The following CCNY variants were observed in gnomAD, a reference collection of about 807,000 sequenced individuals.
CCNY encodes cyclin Y.
Under a neutral mutation model 42.8 loss-of-function variants are expected in CCNY, and 19 were observed. That is an observed-to-expected ratio of 0.44 (90% CI 0.31 to 0.65). The LOEUF is 0.65. Among genes scored for constraint, CCNY ranks in the 30% least tolerant of loss-of-function variants. The pLI, the probability that CCNY is intolerant of heterozygous loss-of-function variation, is 0.07. For missense variants in CCNY, 370 were observed against 437.3 expected, an observed-to-expected ratio of 0.85 and a Z score of 1.37; for synonymous variants, 165 against 162.7, an observed-to-expected ratio of 1.01 and a Z score of -0.11.
At chr10:35,519,594 A>G (rs78349936) in intron 4 of CCNY, among the ~76,000 whole-genome samples, 1 of 151,662 alleles carries the variant, frequency 6.6e-6, no homozygotes, top group Non-Finnish European at 1.5e-5. Context: ...CCACTTTTAA[A>G]TGAACTGCGG....
intron 1 of CCNY, among the ~76,000 whole-genome samples, chr10:35,395,210 G>A (rs1258369118): frequency 1.3e-5 from 2 of 152,194 alleles, no homozygotes; most frequent in Non-Finnish European, 2.9e-5. Flanking sequence ...AAAGTGATGG[G>A]TAATAGTACT....
At chr10:35,386,349 A>G (rs1256916683) in intron 1 of CCNY, among the ~76,000 whole-genome samples, 3 of 152,212 alleles carry the variant, frequency 2.0e-5, no homozygotes, top group Non-Finnish European at 4.4e-5. Flanking sequence ...CTCATCCTGC[A>G]GGTCTCTCTT....
At chr10:35,402,968 G>T (rs981806774) in intron 1 of CCNY, among the ~76,000 whole-genome samples, 1 of 152,190 alleles carries the variant, frequency 6.6e-6, no homozygotes, top group African/African-American at 2.4e-5. Flanking sequence ...GACTGTGGTG[G>T]CCTTCTCAGA....
At chr10:35,537,953 G>A (rs533905698) in intron 7 of CCNY, among the ~76,000 whole-genome samples, 1 of 152,270 alleles carries the variant, frequency 6.6e-6, no homozygotes, top group Admixed American at 6.5e-5. Context: ...ATCGCATTTT[G>A]AATTGTATCT....
intron 2 of CCNY, among the ~76,000 whole-genome samples, chr10:35,489,237 T>C (rs989867774): frequency 2.0e-5 from 3 of 152,258 alleles, no homozygotes; most frequent in Admixed American, 1.3e-4. Context: ...GATGCCTCTA[T>C]GGGTTGATAT....
chr10:35,559,701 G>A (rs1295919284), intron 8 of CCNY, among the ~76,000 whole-genome samples: 1 of 152,234 alleles, frequency 6.6e-6, no homozygotes, highest in Non-Finnish European at 1.5e-5. Flanking sequence ...CATTCCACGG[G>A]CCAGCAGAAC....
At chr10:35,409,627 G>A (rs1382373711) in intron 1 of CCNY, among the ~76,000 whole-genome samples, 1 of 152,090 alleles carries the variant, frequency 6.6e-6, no homozygotes, top group Non-Finnish European at 1.5e-5. Flanking sequence ...AATTTAAACC[G>A]TGATTTACAG....
intron 3 of CCNY, among the ~76,000 whole-genome samples, chr10:35,503,051 G>A (rs1366009645): frequency 3.3e-5 from 5 of 152,126 alleles, no homozygotes; most frequent in Admixed American, 3.3e-4. Context: ...TGCTCCCACA[G>A]TTCTAACCTG....
intron 3 of CCNY, among the ~76,000 whole-genome samples, chr10:35,302,499 CG>C (rs1310551683): frequency 1.3e-5 from 2 of 150,636 alleles, no homozygotes; most frequent in African/African-American, 4.9e-5. Flanking sequence ...TTGGTAGAGA[CG>C]GGGTTTCTCC....
At chr10:35,535,023 G>GTGTGTGTGTGTGTGTA (rs1840855307) in intron 7 of CCNY, among the ~76,000 whole-genome samples, 1 of 147,620 alleles carries the variant, frequency 6.8e-6, no homozygotes, top group Non-Finnish European at 1.5e-5. Flanking sequence ...GTGTGTGTGT[G>GTGTGTGTGTGTGTGTA]TGTGTGTGTA....
At chr10:35,534,290 G>C (rs1840833006) in intron 7 of CCNY, among the ~76,000 whole-genome samples, 1 of 152,208 alleles carries the variant, frequency 6.6e-6, no homozygotes, top group South Asian at 2.1e-4. Flanking sequence ...CCAAAGTTCT[G>C]GGATTACAGG....
At chr10:35,264,647 T>TTTTTG (rs1331398358) in intron 3 of CCNY, among the ~76,000 whole-genome samples, 68 of 152,204 alleles carry the variant, frequency 4.5e-4, no homozygotes, top group African/African-American at 1.6e-3. Context: ...TTTGCCCAGT[T>TTTTTG]TTTTGTTTTG....
intron 8 of CCNY, 68 bp from the exon 9 acceptor site, chr10:35,565,955 T>G: frequency 6.6e-7 from 1 of 1,512,922 alleles, no homozygotes; most frequent in Non-Finnish European, 8.9e-7. Flanking sequence ...CTCCAGCAAC[T>G]TGCCTTGGCA....
rs116134624 is a variant in CCNY, at chr10:35,445,293, C to T, written c.155-38111C>T. Among the ~76,000 whole-genome samples, 1,034 of 152,294 alleles carry T rather than the reference C, an allele frequency of 6.8e-3. 10 individuals are homozygous for T. Among genetic ancestry groups the T allele is most frequent in the African/African-American group, 0.024 (988 of 41,546 alleles). ...ATGCTGCCGCCCTGCTCTTCTGCCT[C>T]CCACTCTCCACCCATGCAGACATTA... On this transcript the variant is annotated intron_variant, in intron 1 of 9. Coordinates refer to ENST00000374704, the MANE Select transcript of CCNY (RefSeq NM_145012.6).
intron 8 of CCNY, among the ~76,000 whole-genome samples, chr10:35,554,598 C>G (rs1486522509): frequency 1.3e-5 from 2 of 152,132 alleles, no homozygotes; most frequent in Non-Finnish European, 2.9e-5. Flanking sequence ...TCATTTGACA[C>G]TGAACAGCAC....
At chr10:35,533,418 C>G (rs1332482758) in intron 7 of CCNY, among the ~76,000 whole-genome samples, 3 of 152,194 alleles carry the variant, frequency 2.0e-5, no homozygotes, top group Non-Finnish European at 4.4e-5. Flanking sequence ...CCTCCCATCT[C>G]TGCCCAGCTG....
chr10:35,388,557 G>A (rs565628186), intron 1 of CCNY, among the ~76,000 whole-genome samples: 10 of 152,192 alleles, frequency 6.6e-5, no homozygotes, highest in Admixed American at 2.0e-4. Flanking sequence ...TCCTCTCCTT[G>A]TTGGGTGTGG....
rs1840031269 is a variant in CCNY at position 35,497,779 on chromosome 10, T to A, written c.230-3722T>A. Among the ~76,000 whole-genome samples the A allele has an allele frequency of 2.0e-5, 3 of 149,676 alleles. No individual in the cohort carries two copies. The South Asian group carries it at 6.4e-4, about 32-fold the overall frequency. On this transcript the variant is annotated intron_variant, in intron 2 of 9. Transcript: ENST00000374704. ...ACTTATCTTATTCCCCCTATGGTAATGTCTTGGTTGTGCTCCTGCTAGCTT... is the reference window on the plus strand; with the variant it reads ...ACTTATCTTATTCCCCCTATGGTAAAGTCTTGGTTGTGCTCCTGCTAGCTT...
intron 1 of CCNY, among the ~76,000 whole-genome samples, chr10:35,394,032 C>G (rs1226120651): frequency 1.3e-5 from 2 of 152,198 alleles, no homozygotes; most frequent in East Asian, 3.8e-4. Context: ...GTGAGTTGAG[C>G]CTTTCTTTGC....
Sources: allele counts gnomAD v4.1 joint callset (sites outside exome capture counted in the v4.1 genomes callset), GRCh38; gene constraint gnomAD v4.1.1; transcripts MANE v1.5; gene names NCBI Gene and HGNC (gene_info 2026-07-23, HGNC 2026-07-21).